Variants in VPS13C observed in about 807,000 individuals in gnomAD.
VPS13C encodes the protein vacuolar protein sorting 13 homolog C.
Under a neutral mutation model 456.8 loss-of-function variants are expected in VPS13C, and 358 were observed. The ratio of observed to expected loss-of-function variants is 0.78; its 90% confidence interval spans 0.72 to 0.86. VPS13C has a LOEUF of 0.86. Among genes scored for constraint, VPS13C ranks in the 40% least tolerant of loss-of-function variants. The pLI, the probability that VPS13C is intolerant of heterozygous loss-of-function variation, is 0.00. For synonymous variants in VPS13C, 1,578 were observed against 1,486.7 expected (o/e 1.06, Z -1.41); for missense variants, 4,818 against 4,385.4 (o/e 1.10, Z -2.79).
chr15:61,915,012 T>G (rs142343634), intron 61 of VPS13C, among the ~76,000 whole-genome samples: 103 of 151,208 alleles, frequency 6.8e-4, no homozygotes, highest in African/African-American at 2.5e-3. Context: ...TAGAAAATCT[T>G]CATATATATC....
chr15:61,854,914 C>G lies in VPS13C; in HGVS notation c.11117G>C (p.Gly3706Ala). 1 of 1,613,392 alleles carries G rather than the reference C, an allele frequency of 6.2e-7. No individual in the cohort carries two copies. The highest frequency in any genetic ancestry group is 8.5e-7 in the Non-Finnish European group (1 of 1,179,764). Residue 3706 changes from glycine to alanine, a missense_variant, in exon 84 of 85, where the codon GGC becomes GCC. Around this residue, in one of 3 missense-constraint regions of VPS13C, gnomAD observed 261 missense variants for 234.1 expected, o/e 1.11. Coordinates refer to ENST00000644861, the MANE Select transcript of VPS13C (RefSeq NM_020821.3). ...LFHKKDSANQ[G>A]CVRKVYLKDT... ...CTTCAGGTAAACTTTTCGAACACAG[C>G]CTTGATTGGCACTGTCTTTTTTGTG...
intron 18 of VPS13C, among the ~76,000 whole-genome samples, chr15:61,989,989 A>C (rs2046174123): frequency 6.6e-6 from 1 of 152,176 alleles, no homozygotes; most frequent in Non-Finnish European, 1.5e-5. Context: ...AAACAACCCA[A>C]ATGTTCATCA....
chr15:62,041,236 A>C (rs924795414), intron 3 of VPS13C, 88 bp downstream of exon 3: 2 of 1,402,484 alleles, frequency 1.4e-6, no homozygotes, highest in Non-Finnish European at 2.0e-6. Flanking sequence ...TCACACTTTT[A>C]ATCAAAGATT....
At chr15:61,860,767 T>C (rs1894177575) in intron 82 of VPS13C, among the ~76,000 whole-genome samples, 1 of 152,096 alleles carries the variant, frequency 6.6e-6, no homozygotes, top group Non-Finnish European at 1.5e-5. Context: ...AATGGGGTTA[T>C]CTTTGGGTGC....
At chr15:61,991,881 A>G in intron 16 of VPS13C, 79 bp from the exon 17 acceptor site, 2 of 1,455,970 alleles carry the variant, frequency 1.4e-6, no homozygotes, top group Non-Finnish European at 1.8e-6. Context: ...AAAAAAAAAC[A>G]ATGGTTCTTT....
chr15:61,875,650 C>T, intron 76 of VPS13C, 82 bp downstream of exon 76: 1 of 919,986 alleles, frequency 1.1e-6, no homozygotes, highest in East Asian at 2.6e-5. Flanking sequence ...GATACAATTA[C>T]AATGCAAATT....
In VPS13C at chr15:61,858,617, A is replaced by G. The variant is rs1894057863; in HGVS notation, c.10953-2208T>C. On this transcript the variant is annotated intron_variant, in intron 82 of 84. Coordinates refer to ENST00000644861, the MANE Select transcript of VPS13C (RefSeq NM_020821.3). The surrounding 1 kb of genome is among the most constrained non-coding windows in gnomAD (Gnocchi z 4.4). ...ATTTTACTTCCAAGATTAGGTTATT[A>G]TAAGGCACAGGTGACTCTGAGCAAA... 2.0e-5 allele frequency among the ~76,000 whole-genome samples: 3 copies of G among 152,200 alleles called. No individual in the cohort carries two copies. Among genetic ancestry groups the G allele is most frequent in the African/African-American group, 7.2e-5 (3 of 41,452 alleles).
In VPS13C at chr15:62,037,294, T is replaced by C. The variant is rs11637942; in HGVS notation, c.188-2242A>G. 1.0e-4 allele frequency among the ~76,000 whole-genome samples: 7 copies of C among 66,904 alleles called. No individual in the cohort carries two copies. The South Asian group carries it at 3.1e-3, about 29-fold the overall frequency. 43.9% of individuals were successfully genotyped at this position (66,904 alleles called of 152,430 possible). On this transcript the variant is annotated intron_variant, in intron 3 of 84. Coordinates refer to ENST00000644861, the MANE Select transcript of VPS13C (RefSeq NM_020821.3). ...ATATAATATATTATATATATTATAT[T>C]ATATAATATATATATAAATATATTA... is the stretch of plus-strand genomic sequence containing the variant.
chr15:61,999,926 A>C (rs1285525719), intron 16 of VPS13C, among the ~76,000 whole-genome samples: 7 of 151,146 alleles, frequency 4.6e-5, no homozygotes, highest in Non-Finnish European at 7.4e-5. Flanking sequence ...AAAAAAGGAG[A>C]TAAAAAGCAT....
At chr15:61,919,240 A>G in intron 58 of VPS13C, 49 bp downstream of exon 58, 1 of 1,538,070 alleles carries the variant, frequency 6.5e-7, no homozygotes, top group Non-Finnish European at 8.7e-7. Context: ...AAATGATTTA[A>G]CCATTTCTTG....
chr15:61,998,489 T>A (rs1235814246), intron 16 of VPS13C, among the ~76,000 whole-genome samples: 2 of 152,234 alleles, frequency 1.3e-5, no homozygotes, highest in East Asian at 3.8e-4. Context: ...CATAATCATT[T>A]AAGTGTTTTA....
In VPS13C at chr15:61,934,243, G is replaced by A; in HGVS notation, c.5844C>T (p.Ile1948=). 6.3e-7 allele frequency: 1 copy of A among 1,594,782 alleles called. No individual in the cohort carries two copies. Among genetic ancestry groups the A allele is most frequent in the Non-Finnish European group, 8.6e-7 (1 of 1,169,108 alleles). Residue 1948 remains isoleucine (I), a synonymous_variant, in exon 49 of 85, where the codon ATC becomes ATT. Transcript: ENST00000644861. ...CCTGGTTGATATCATTGTTATAAAGGATAATGGAAAGAGATTCAAAGTGAA... is the reference window on the plus strand; with the variant it reads ...CCTGGTTGATATCATTGTTATAAAGAATAATGGAAAGAGATTCAAAGTGAA... The part of the protein sequence containing the change: ...FDFHFESLSI[I]LYNNDINQES...
At chr15:61,901,089 C>T (rs2042982126) in intron 66 of VPS13C, among the ~76,000 whole-genome samples, 1 of 151,368 alleles carries the variant, frequency 6.6e-6, no homozygotes, top group Non-Finnish European at 1.5e-5. Context: ...CCCTTCCTTA[C>T]ACCTTATACA....
At chr15:62,029,395 A>T (rs567669069) in intron 5 of VPS13C, among the ~76,000 whole-genome samples, 1 of 152,070 alleles carries the variant, frequency 6.6e-6, no homozygotes. Flanking sequence ...ACTACTCTCT[A>T]TCAGACTCCC....
chr15:61,892,466 G>C (rs933635307), intron 66 of VPS13C, among the ~76,000 whole-genome samples: 3 of 152,096 alleles, frequency 2.0e-5, no homozygotes, highest in South Asian at 2.1e-4. Flanking sequence ...CAGTGATCTA[G>C]GATAAAGGGG....
At chr15:62,016,577 C>T in intron 9 of VPS13C, among the ~76,000 whole-genome samples, 1 of 151,966 alleles carries the variant, frequency 6.6e-6, no homozygotes, top group Non-Finnish European at 1.5e-5. Context: ...CAGCTTCATC[C>T]ATGTCCCTAC....
chr15:61,856,360 C>A lies in VPS13C; in HGVS notation c.11002G>T (p.Asp3668Tyr). 1 of 1,613,414 alleles carries A rather than the reference C, an allele frequency of 6.2e-7. No homozygotes were observed. Among genetic ancestry groups the A allele is most frequent in the South Asian group, 1.1e-5 (1 of 91,028 alleles). The change falls in exon 83 of 85, where the codon GAC (aspartate) becomes TAC (tyrosine). Residue 3668 changes from aspartate (D) to tyrosine (Y), a missense_variant. Around this residue, in one of 3 missense-constraint regions of VPS13C, gnomAD observed 261 missense variants for 234.1 expected, o/e 1.11. Coordinates refer to ENST00000644861, the MANE Select transcript of VPS13C (RefSeq NM_020821.3). ...EVEILGLMCV[D>Y]WQCPFEDFVF... is the part of the protein sequence containing the mutation. ...AAATCTTCAAATGGACATTGCCAGT[C>A]TACACACATAAGGCCCAGGATTTCA...
chr15:61,931,050 C>T (rs1487139715), intron 50 of VPS13C, 40 bp downstream of exon 50: 1 of 1,610,482 alleles, frequency 6.2e-7, no homozygotes. Context: ...GGTGCAATGT[C>T]AACCTTAAAT....
In VPS13C at chr15:61,925,539, G is replaced by A. The variant is rs1469540397; in HGVS notation, c.6526C>T (p.Pro2176Ser). The A allele has an allele frequency of 6.3e-7, 1 of 1,598,740 alleles. No homozygotes were observed. Among genetic ancestry groups the A allele is most frequent in the East Asian group, 2.3e-5 (1 of 44,410 alleles). ...RGKNITTVLQPCSLFMEKCTW... is the reference protein window; with the variant it reads ...RGKNITTVLQSCSLFMEKCTW... ...CATTTTTCCATAAATAAAGAACAGGGCTGCAAGACCTATAAACAGATAAAT... is the reference window on the plus strand; with the variant it reads ...CATTTTTCCATAAATAAAGAACAGGACTGCAAGACCTATAAACAGATAAAT... The change falls in exon 53 of 85, where the codon CCC becomes TCC. Residue 2176 changes from proline to serine, a missense_variant. Coordinates refer to ENST00000644861, the MANE Select transcript of VPS13C (RefSeq NM_020821.3).
Sources: gnomAD v4.1 joint callset for allele counts (sites outside exome capture counted in the v4.1 genomes callset) on GRCh38, gnomAD v4.1.1 for gene constraint, gnomAD v4.1.1 regional missense constraint, Gnocchi (gnomAD v3.1) non-coding constraint, MANE v1.5 for transcripts, NCBI Gene and HGNC (gene_info 2026-07-23, HGNC 2026-07-21) for gene names.